TNR: variants seen among roughly 807,000 people sequenced by gnomAD.
TNR encodes tenascin-R.
TNR carries 45 observed loss-of-function variants against 150.4 expected under a neutral mutation model. The observed-to-expected ratio is 0.30, with a 90% confidence interval of 0.24 to 0.38. TNR has a LOEUF of 0.38. TNR is among the 10% of genes least tolerant of loss of function. The pLI is 1.00. For missense variants in TNR, 1,544 were observed against 1,759.1 expected (o/e 0.88, Z 2.19); for synonymous variants, 687 against 678.4 (o/e 1.01, Z -0.20).
chr1:175,644,027 AT>A (rs1381814947), intron 1 of TNR, among the ~76,000 whole-genome samples: 2 of 152,206 alleles, frequency 1.3e-5, no homozygotes, highest in Non-Finnish European at 2.9e-5. Flanking sequence ...TGTGATCATG[AT>A]TTTCTATTTC....
At chr1:175,548,753 A>G (rs139680354) in intron 1 of TNR, among the ~76,000 whole-genome samples, 31 of 152,222 alleles carry the variant, frequency 2.0e-4, no homozygotes, top group African/African-American at 7.0e-4. Context: ...CTAATGAACT[A>G]CAGAATATTG....
chr1:175,473,473 TG>T (rs1657385248), intron 2 of TNR, among the ~76,000 whole-genome samples: 1 of 152,164 alleles, frequency 6.6e-6, no homozygotes, highest in Non-Finnish European at 1.5e-5. Context: ...TCCTAAGAAA[TG>T]GAGCAACTCA....
chr1:175,360,237 C>T (rs1353200805), intron 14 of TNR, among the ~76,000 whole-genome samples: 1 of 152,108 alleles, frequency 6.6e-6, no homozygotes, highest in African/African-American at 2.4e-5. Context: ...AGGAGTATCC[C>T]CAGGACAGAG....
chr1:175,621,365 G>A (rs887414960), intron 1 of TNR, among the ~76,000 whole-genome samples: 1 of 151,962 alleles, frequency 6.6e-6, no homozygotes. Flanking sequence ...GTCATGACCT[G>A]GCCCCATCTG....
intron 1 of TNR, among the ~76,000 whole-genome samples, chr1:175,629,735 G>A (rs1481034587): frequency 6.6e-6 from 1 of 152,128 alleles, no homozygotes; most frequent in Non-Finnish European, 1.5e-5. Context: ...TTTACCAGTG[G>A]AAATAGGGTT....
chr1:175,427,478 A>G (rs891227269), intron 2 of TNR, among the ~76,000 whole-genome samples: 1 of 152,134 alleles, frequency 6.6e-6, no homozygotes, highest in Admixed American at 6.5e-5. Flanking sequence ...TTTTACACTC[A>G]CAGCACAGGA....
intron 7 of TNR, 40 bp from the exon 8 acceptor site, chr1:175,386,341 A>G (rs531397422): frequency 1.3e-6 from 2 of 1,503,490 alleles, no homozygotes; most frequent in Admixed American, 4.4e-5. Context: ...AGTTTGAATG[A>G]GAAATAAGCC....
chr1:175,584,107 T>C (rs1662473775), intron 1 of TNR, among the ~76,000 whole-genome samples: 1 of 152,206 alleles, frequency 6.6e-6, no homozygotes. Context: ...TATGTTGAAG[T>C]TCTAATCCCC....
Position 175,495,084 on chromosome 1 carries a change from T to G in TNR, c.-64+33185A>C, listed in dbSNP as rs557278437. 2.0e-5 allele frequency among the ~76,000 whole-genome samples: 3 copies of G among 152,288 alleles called. No individual in the cohort carries two copies. In the South Asian group the frequency reaches 6.2e-4, roughly 32 times the overall value. ...ATTCATTCATTGCTCACCCACTCAT[T>G]TATTTAATGACAATTATGGATTGCC... On this transcript the variant is annotated intron_variant, in intron 2 of 22. Transcript: ENST00000367674.
intron 1 of TNR, among the ~76,000 whole-genome samples, chr1:175,568,125 T>C (rs1387917023): frequency 6.6e-6 from 1 of 152,216 alleles, no homozygotes. Flanking sequence ...CAAGCCTCTG[T>C]GGTCCCAGAG....
chr1:175,451,482 A>AG (rs58337475), intron 2 of TNR, among the ~76,000 whole-genome samples: 152,183 of 152,244 alleles, frequency 1, 76,061 homozygotes, highest in Non-Finnish European at 1. Context: ...GCCAGCCGCC[A>AG]GCCTCCAGGC....
Position 175,386,236 on chromosome 1 carries a change from T to G in TNR, c.1573A>C (p.Ile525Leu), listed in dbSNP as rs764867229. ...VSDTVAFVEW[I>L]PPRAKVDFIL... The stretch of plus-strand genomic sequence containing the variant: ...AAATCGACTTTGGCTCGAGGGGGAA[T>G]CCACTCCACAAAAGCCACAGTGTCC... The change falls in exon 8 of 23, where the codon ATT becomes CTT. Residue 525 changes from isoleucine (I) to leucine (L), a missense_variant. Physicochemically the swap from Ile to Leu is conservative, Grantham distance 5. Around this residue, in one of 2 missense-constraint regions of TNR, gnomAD observed 1,254 missense variants for 1,329.4 expected, o/e 0.94. Transcript: ENST00000367674. The G allele has an allele frequency of 9.3e-6, 15 of 1,606,450 alleles. No homozygotes were observed. Among genetic ancestry groups the G allele is most frequent in the Non-Finnish European group, 1.3e-5 (15 of 1,173,950 alleles).
chr1:175,450,166 G>A (rs928225971), intron 2 of TNR, among the ~76,000 whole-genome samples: 3 of 152,106 alleles, frequency 2.0e-5, no homozygotes, highest in Non-Finnish European at 2.9e-5. Flanking sequence ...ACACTCCACC[G>A]ATAGACCCTC....
intron 10 of TNR, among the ~76,000 whole-genome samples, chr1:175,366,348 G>A (rs1363531711): frequency 6.6e-6 from 1 of 152,204 alleles, no homozygotes; most frequent in Non-Finnish European, 1.5e-5. Context: ...TCTGAAGAAA[G>A]CCGTGATGAG....
At chr1:175,440,089 A>G (rs1012418464) in intron 2 of TNR, among the ~76,000 whole-genome samples, 6 of 152,176 alleles carry the variant, frequency 3.9e-5, no homozygotes, top group Admixed American at 6.5e-5. Context: ...TGTTTATTGC[A>G]GCACTATTCA....
chr1:175,583,067 C>T (rs1451623931), intron 1 of TNR, among the ~76,000 whole-genome samples: 2 of 152,086 alleles, frequency 1.3e-5, no homozygotes, highest in Non-Finnish European at 2.9e-5. Flanking sequence ...AAATTACTGT[C>T]TCAGCTATTC....
At chr1:175,418,682 C>T (rs1025862213) in intron 2 of TNR, among the ~76,000 whole-genome samples, 2 of 151,644 alleles carry the variant, frequency 1.3e-5, no homozygotes, top group African/African-American at 2.4e-5. Context: ...CGAGATTGTG[C>T]CGCTGCACTC....
chr1:175,447,512 G>A (rs73042500), intron 2 of TNR, among the ~76,000 whole-genome samples: 20,566 of 152,118 alleles, frequency 0.14, 3,057 homozygotes, highest in African/African-American at 0.37. Flanking sequence ...TCTTGATAAA[G>A]TCAAACTTTT....
chr1:175,343,055 C>A (rs1484523206), intron 18 of TNR, among the ~76,000 whole-genome samples: 1 of 152,116 alleles, frequency 6.6e-6, no homozygotes, highest in East Asian at 1.9e-4. Context: ...CCATTCTGGT[C>A]CCACCTGCAT....
Sources: allele counts gnomAD v4.1 joint callset (sites outside exome capture counted in the v4.1 genomes callset), GRCh38; gene constraint gnomAD v4.1.1; regional missense constraint gnomAD v4.1.1; transcripts MANE v1.5; gene names NCBI Gene and HGNC (gene_info 2026-07-23, HGNC 2026-07-21).